The following TLK2 variants were observed in gnomAD, a reference collection of about 807,000 sequenced individuals.
TLK2 encodes the protein serine/threonine-protein kinase tousled-like 2.
In TLK2, 6 loss-of-function variants were observed where a neutral mutation model predicts 117.3. The observed-to-expected ratio is 0.05, with a 90% CI of 0.03 to 0.10. The LOEUF is 0.10. TLK2 is among the 10% of genes least tolerant of loss of function. The pLI is 1.00. For synonymous variants in TLK2, 257 were observed against 316.7 expected, an observed-to-expected ratio of 0.81 and a Z score of 2.00; for missense variants, 299 against 901.2, an observed-to-expected ratio of 0.33 and a Z score of 8.56.
chr17:62,472,337 TG>T (rs897853206), intron 1 of TLK2, among the ~76,000 whole-genome samples: 7 of 152,112 alleles, frequency 4.6e-5, no homozygotes, highest in African/African-American at 1.7e-4. Flanking sequence ...CGCCTGTCTG[TG>T]GGGAGCTCCT....
At chr17:62,505,498 C>G (rs533110105) in intron 2 of TLK2, among the ~76,000 whole-genome samples, 2 of 146,304 alleles carry the variant, frequency 1.4e-5, no homozygotes, top group African/African-American at 5.0e-5. Flanking sequence ...AGTGGTCCTC[C>G]CGCCTTAGAC....
chr17:62,586,148 C>T lies in TLK2; in HGVS notation c.1382C>T (p.Thr461Ile), dbSNP rs761911101. ...TTCTCTTTATAGGCATTTGATCTAA[C>T]AGAGCAAAGATACGTAGCTGTGAAA... Reference protein sequence around the residue: ...FSEVYKAFDLTEQRYVAVKIH... With the variant: ...FSEVYKAFDLIEQRYVAVKIH... The change falls in exon 16 of 22, where the codon ACA becomes ATA. Residue 461 changes from threonine (T) to isoleucine (I), a missense_variant. Physicochemically the swap from Thr to Ile is moderately conservative, Grantham distance 89. Around this residue, in one of 4 missense-constraint regions of TLK2, gnomAD observed 81 missense variants for 370.9 expected, o/e 0.22. Transcript: ENST00000346027. 5.6e-6 allele frequency: 9 copies of T among 1,612,224 alleles called. No individual in the cohort carries two copies. The Admixed American group carries it at 1.2e-4, about 21-fold the overall frequency.
chr17:62,540,400 AT>A lies in TLK2; in HGVS notation c.531+4086del, dbSNP rs534202077. On this transcript the variant is annotated intron_variant, in intron 7 of 21. Transcript: ENST00000346027. ...ATTTTACCTTCAAAATATGTTCAGA[AT>A]TTTTTTTTTTTTTTTTTTTTTTGAG... Among the ~76,000 whole-genome samples the A allele has an allele frequency of 5.8e-3, 115 of 19,992 alleles. 2 individuals carry two copies. The highest frequency in any genetic ancestry group is 0.029 in the South Asian group (2 of 70). The allele number at this position is 19,992 out of a possible 152,430, so 13.1% of individuals were successfully genotyped here.
At chr17:62,544,697 C>T (rs1178240550) in intron 7 of TLK2, among the ~76,000 whole-genome samples, 1 of 152,176 alleles carries the variant, frequency 6.6e-6, no homozygotes, top group Admixed American at 6.5e-5. Context: ...GGATCTGTTG[C>T]ATTTCCCTGT....
intron 11 of TLK2, among the ~76,000 whole-genome samples, chr17:62,571,889 C>T (rs1003951835): frequency 4.1e-5 from 6 of 148,026 alleles, no homozygotes; most frequent in East Asian, 1.9e-4. Context: ...TAGATTTTGC[C>T]GGGCACGGTG....
chr17:62,516,619 T>C, intron 2 of TLK2: 1 of 1,610,250 alleles, frequency 6.2e-7, no homozygotes, highest in Non-Finnish European at 8.5e-7. Context: ...CTTGAGAGAC[T>C]GCATGGCCTT....
intron 6 of TLK2, among the ~76,000 whole-genome samples, chr17:62,534,932 A>AGGC (rs2077009762): frequency 8.5e-6 from 1 of 117,498 alleles, no homozygotes; most frequent in Non-Finnish European, 1.6e-5. Flanking sequence ...TCTGTTACCC[A>AGGC]GGCTGGAGTG....
intron 6 of TLK2, among the ~76,000 whole-genome samples, chr17:62,531,316 T>C (rs2076726609): frequency 6.6e-6 from 1 of 152,232 alleles, no homozygotes; most frequent in Non-Finnish European, 1.5e-5. Flanking sequence ...TAATTTCTTC[T>C]TGCCTTTCAG....
intron 7 of TLK2, among the ~76,000 whole-genome samples, chr17:62,537,155 T>A (rs187168470): frequency 6.6e-6 from 1 of 152,296 alleles, no homozygotes; most frequent in East Asian, 1.9e-4. Flanking sequence ...CAGTTATAAT[T>A]TAAGTTTCCT....
Position 62,564,752 on chromosome 17 carries a change from C to CCA in TLK2, c.832-240_832-239dup, listed in dbSNP as rs565960698. ...AAACCAACCAAACAAACAAAAAACC[C>CCA]CACACACACATAGGCAGATTGGGAA... On this transcript the variant is annotated intron_variant, in intron 10 of 21. Coordinates refer to ENST00000346027, the MANE Select transcript of TLK2 (RefSeq NM_006852.6). Among the ~76,000 whole-genome samples the CCA allele has an allele frequency of 3.3e-3, 496 of 151,786 alleles. 3 individuals are homozygous for CCA. The highest frequency in any genetic ancestry group is 0.012 in the African/African-American group (477 of 41,396).
chr17:62,479,420 G>C (rs1598078913), intron 1 of TLK2, 130 bp downstream of exon 1: 1 of 154,044 alleles, frequency 6.5e-6, no homozygotes, highest in East Asian at 1.9e-4. Flanking sequence ...CAGCTCCTGG[G>C]CGCTGAGGCG....
chr17:62,522,891 CAAG>C (rs1160756367), intron 4 of TLK2, among the ~76,000 whole-genome samples: 2 of 152,096 alleles, frequency 1.3e-5, no homozygotes, highest in African/African-American at 4.8e-5. Flanking sequence ...CCCAAAGTGA[CAAG>C]AAAAATTACA....
At chr17:62,561,376 T>C (rs2079261890) in intron 10 of TLK2, among the ~76,000 whole-genome samples, 2 of 152,230 alleles carry the variant, frequency 1.3e-5, no homozygotes, top group Admixed American at 1.3e-4. Flanking sequence ...ATGGTATTTC[T>C]AGTTCAAGAT....
chr17:62,503,815 C>T lies in TLK2; in HGVS notation c.82-16958C>T, dbSNP rs370360218. Among the ~76,000 whole-genome samples, 125 of 151,688 alleles carry T rather than the reference C, an allele frequency of 8.2e-4. 2 individuals are homozygous for T. In the South Asian group the frequency reaches 0.024, roughly 29 times the overall value. Reference sequence around the variant, plus strand: ...GTGATCTCAGCTCACTGCAGCCTCCCCCTCCCAGGTTCAAGCCATTCTCCT... The same window carrying T: ...GTGATCTCAGCTCACTGCAGCCTCCTCCTCCCAGGTTCAAGCCATTCTCCT... On this transcript the variant is annotated intron_variant, in intron 2 of 21. Coordinates refer to ENST00000346027, the MANE Select transcript of TLK2 (RefSeq NM_006852.6).
At position 62,489,174 on chromosome 17, in the gene TLK2, C is replaced by CGTGTGTGT. The variant is rs59470331; in HGVS notation, c.81+7987_81+7994dup. Among the ~76,000 whole-genome samples, 215 of 140,802 alleles carry CGTGTGTGT rather than the reference C, an allele frequency of 1.5e-3. 5 individuals carry two copies. Among genetic ancestry groups the CGTGTGTGT allele is most frequent in the South Asian group, 6.1e-3 (27 of 4,414 alleles). The allele number at this position is 140,802 out of a possible 152,430, so 92.4% of individuals were successfully genotyped here. A position where few individuals can be genotyped will look rare whatever the true frequency, so the allele number is the denominator to read the frequency against. ...CATTGCTGTTCTGTATTTAATTGTA[C>CGTGTGTGT]GTGTGTGTGTGTGTGTGTGTGTGTG... On this transcript the variant is annotated intron_variant, in intron 2 of 21. Transcript: ENST00000346027.
intron 2 of TLK2, among the ~76,000 whole-genome samples, chr17:62,514,589 T>G (rs1253665204): frequency 6.6e-6 from 1 of 151,606 alleles, no homozygotes; most frequent in Non-Finnish European, 1.5e-5. Context: ...CTTTTTTTTT[T>G]TTTTTTGAGA....
chr17:62,500,385 A>G (rs1226688291), intron 2 of TLK2, among the ~76,000 whole-genome samples: 1 of 152,256 alleles, frequency 6.6e-6, no homozygotes, highest in Non-Finnish European at 1.5e-5. Flanking sequence ...AAATATTGCT[A>G]GGAGTAATGA....
chr17:62,523,415 C>CA (rs1268174662), intron 5 of TLK2, among the ~76,000 whole-genome samples: 3 of 152,016 alleles, frequency 2.0e-5, no homozygotes, highest in Non-Finnish European at 1.5e-5. Flanking sequence ...CCTGTCTCTA[C>CA]AAAAAACAGA....
At chr17:62,508,892 C>T (rs1464669960) in intron 2 of TLK2, among the ~76,000 whole-genome samples, 15 of 152,152 alleles carry the variant, frequency 9.9e-5, no homozygotes, top group South Asian at 4.1e-4. Context: ...CGCTTGAACC[C>T]GGGAGGTGGA....
Sources: gnomAD v4.1 joint callset for allele counts (sites outside exome capture counted in the v4.1 genomes callset) on GRCh38, gnomAD v4.1.1 for gene constraint, gnomAD v4.1.1 regional missense constraint, MANE v1.5 for transcripts, NCBI Gene and HGNC (gene_info 2026-07-23, HGNC 2026-07-21) for gene names.